The following YEATS2 variants were observed in gnomAD, a reference collection of about 807,000 sequenced individuals.
YEATS2 encodes the protein YEATS domain containing 2.
A neutral mutation model predicts 163.2 loss-of-function variants in YEATS2; 77 were observed. That is an observed-to-expected ratio of 0.47 (90% confidence interval 0.39 to 0.57). YEATS2 has a LOEUF of 0.57. Ranked by LOEUF, YEATS2 falls within the 20% of genes least tolerant of loss-of-function variation. The probability of loss-of-function intolerance (pLI) is 0.00; values close to 1 mark genes in which losing one functional copy is unlikely to be tolerated. For synonymous variants in YEATS2, 631 were observed against 645.1 expected (o/e 0.98, Z 0.33); for missense variants, 1,549 against 1,729.8 (o/e 0.90, Z 1.85).
chr3:183,711,272 C>T (rs1240848044), intron 1 of YEATS2, among the ~76,000 whole-genome samples: 1 of 151,770 alleles, frequency 6.6e-6, no homozygotes, highest in East Asian at 1.9e-4. Context: ...AGATTGAGAC[C>T]ATCCTGGCTA....
chr3:183,745,734 C>T (rs902227264), intron 8 of YEATS2, among the ~76,000 whole-genome samples: 1 of 152,190 alleles, frequency 6.6e-6, no homozygotes, highest in African/African-American at 2.4e-5. Flanking sequence ...TCTCCTTACC[C>T]ATTACCCTAG....
At chr3:183,807,152 CGTTCAGCTTCACAGACCCAGACCCAGGT>C (rs1341568028) in intron 28 of YEATS2, 60 bp downstream of exon 28, 52 of 1,486,904 alleles carry the variant, frequency 3.5e-5, no homozygotes, top group Non-Finnish European at 4.4e-5. Flanking sequence ...GATGTTCAGA[CGTTCAGCTTCACAGACCCAGACCCAGGT>C]GTTCAGCCTC....
rs1721056967 is a variant in YEATS2 at position 183,758,964 on chromosome 3, A to G, written c.1655A>G (p.Lys552Arg). The G allele has an allele frequency of 1.3e-6, 2 of 1,549,338 alleles. No individual in the cohort carries two copies. The highest frequency in any genetic ancestry group is 1.7e-6 in the Non-Finnish European group (2 of 1,144,650). The change falls in exon 13 of 31, where the codon AAG (lysine) becomes AGG (arginine). Residue 552 changes from lysine to arginine, a missense_variant and splice_region_variant. Lys to Arg is a conservative substitution (Grantham distance 26, BLOSUM62 2). Transcript: ENST00000305135. The stretch of plus-strand genomic sequence containing the variant: ...AGTAGTTTTGTAACATCTACTGTCA[A>G]GGTAACATTCTTACTGCGTTATTAC... ...HGSSFVTSTV[K>R]QEDSLFASMP... is the part of the protein sequence containing the mutation.
At chr3:183,699,478 CGAGGCGGGT>C (rs1291687225) in intron 1 of YEATS2, among the ~76,000 whole-genome samples, 1 of 151,176 alleles carries the variant, frequency 6.6e-6, no homozygotes, top group Admixed American at 6.6e-5. Flanking sequence ...TTTGAGAGAC[CGAGGCGGGT>C]CGCTTGAGCC....
intron 17 of YEATS2, among the ~76,000 whole-genome samples, chr3:183,775,365 A>G (rs1253138931): frequency 6.6e-6 from 1 of 152,226 alleles, no homozygotes; most frequent in East Asian, 1.9e-4. Flanking sequence ...TGGAGGGCCA[A>G]GGCGGGCGGA....
chr3:183,809,649 CT>C (rs1726594353), intron 30 of YEATS2: 1 of 152,954 alleles, frequency 6.5e-6, no homozygotes, highest in Non-Finnish European at 1.5e-5. Context: ...GTCTCATTGG[CT>C]CTGAGGCCCC....
chr3:183,765,945 TAA>T (rs576204848), intron 15 of YEATS2, among the ~76,000 whole-genome samples: 14 of 128,722 alleles, frequency 1.1e-4, no homozygotes, highest in Admixed American at 8.0e-5. Context: ...AGACTCTGTC[TAA>T]AAAAAAAAAA....
rs1455646637 is a variant in YEATS2, at chr3:183,697,819, C to T, written c.-194C>T. The T allele has an allele frequency of 1.3e-5, 2 of 149,912 alleles. No homozygotes were observed. The highest frequency in any genetic ancestry group is 6.6e-5 in the Admixed American group (1 of 15,054). The allele number at this position is 149,912 out of a possible 1,614,324, so 9.3% of individuals were successfully genotyped here. On this transcript the variant is annotated 5_prime_UTR_variant, in exon 1 of 31. Transcript: ENST00000305135. ...CCCGACGCGCCCAGCTGCTGACGTG[C>T]GGGGCGGAACGCGCCGGGCGGGCTC...
intron 25 of YEATS2, 128 bp from the exon 26 acceptor site, chr3:183,803,128 G>A (rs929515212): frequency 6.4e-6 from 6 of 938,332 alleles, no homozygotes; most frequent in Non-Finnish European, 9.9e-6. Flanking sequence ...CTGCATCTGA[G>A]CTTGCCCAGT....
intron 2 of YEATS2, 138 bp downstream of exon 2, chr3:183,715,400 C>A (rs886201027): frequency 1.6e-6 from 1 of 637,748 alleles, no homozygotes; most frequent in Non-Finnish European, 2.8e-6. Flanking sequence ...GCTAAGGGAT[C>A]TGTTTAATAG....
chr3:183,771,212 A>G (rs1722424450), intron 15 of YEATS2, among the ~76,000 whole-genome samples: 1 of 152,116 alleles, frequency 6.6e-6, no homozygotes, highest in African/African-American at 2.4e-5. Flanking sequence ...TTTTCCCCCA[A>G]TCTGATGGGT....
intron 19 of YEATS2, among the ~76,000 whole-genome samples, chr3:183,785,387 G>A (rs1354376208): frequency 6.6e-6 from 1 of 151,500 alleles, no homozygotes; most frequent in Non-Finnish European, 1.5e-5. Context: ...TACTCGGGAG[G>A]CTGAGGCAGG....
intron 3 of YEATS2, 148 bp from the exon 4 acceptor site, chr3:183,718,352 A>G: frequency 1.7e-6 from 1 of 597,408 alleles, no homozygotes; most frequent in East Asian, 3.0e-5. Flanking sequence ...ATGGGTGGAA[A>G]AGGTCACTTT....
chr3:183,807,864 T>C, intron 28 of YEATS2, 166 bp from the exon 29 acceptor site: 1 of 573,676 alleles, frequency 1.7e-6, no homozygotes, highest in East Asian at 3.0e-5. Flanking sequence ...AACATTCTTC[T>C]AGATGTTATA....
rs188141805 is a variant in YEATS2 at position 183,797,705 on chromosome 3, G to A, written c.3098-218G>A. On this transcript the variant is annotated intron_variant, in intron 21 of 30. Coordinates refer to ENST00000305135, the MANE Select transcript of YEATS2 (RefSeq NM_018023.5). ...CGCGTCAGCCTGGGCGACAGAGCGA[G>A]ACTCCATCTCAAAAAGTAAATAAAC... Among the ~76,000 whole-genome samples, 867 of 152,302 alleles carry A rather than the reference G, an allele frequency of 5.7e-3. 4 individuals carry two copies. Among genetic ancestry groups the A allele is most frequent in the South Asian group, 0.018 (88 of 4,830 alleles).
At chr3:183,771,003 T>C (rs1354497128) in intron 15 of YEATS2, among the ~76,000 whole-genome samples, 3 of 152,220 alleles carry the variant, frequency 2.0e-5, no homozygotes, top group Non-Finnish European at 2.9e-5. Flanking sequence ...GTTGTATATG[T>C]TCCCTTGAAC....
At chr3:183,755,742 T>TTTC (rs1720678577) in intron 11 of YEATS2, among the ~76,000 whole-genome samples, 1 of 26,932 alleles carries the variant, frequency 3.7e-5, no homozygotes, top group Admixed American at 5.6e-4. Context: ...CCTTCCTTTC[T>TTTC]TTTTTTTTTT....
In YEATS2 at chr3:183,803,154, G is replaced by T. The variant is rs917223894; in HGVS notation, c.3503-102G>T. 17 of 1,218,114 alleles carry T rather than the reference G, an allele frequency of 1.4e-5. No individual in the cohort carries two copies. In the African/African-American group the frequency reaches 2.5e-4, roughly 18 times the overall value. The allele number at this position is 1,218,114 out of a possible 1,614,324, so 75.5% of individuals were successfully genotyped here. On this transcript the variant is annotated intron_variant, in intron 25 of 30. Coordinates refer to ENST00000305135, the MANE Select transcript of YEATS2 (RefSeq NM_018023.5). ...CTTGCCCAGTAAGGAACATACATGC[G>T]ATAAAGAGGTCTGAAGAAGTGACTG...
intron 16 of YEATS2, among the ~76,000 whole-genome samples, chr3:183,772,807 C>A (rs1410764696): frequency 2.6e-5 from 4 of 151,508 alleles, no homozygotes; most frequent in Non-Finnish European, 5.9e-5. Flanking sequence ...ACGAACAAAT[C>A]ATTTCTCAGT....
Sources: allele counts gnomAD v4.1 joint callset (sites outside exome capture counted in the v4.1 genomes callset), GRCh38; gene constraint gnomAD v4.1.1; transcripts MANE v1.5; gene names NCBI Gene and HGNC (gene_info 2026-07-23, HGNC 2026-07-21).